BRINP1: variants seen among roughly 807,000 people sequenced by gnomAD.
BRINP1 encodes BMP/retinoic acid-inducible neural-specific protein 1.
Under a neutral mutation model 72.9 loss-of-function variants are expected in BRINP1, and 17 were observed. The ratio of observed to expected loss-of-function variants is 0.23; its 90% confidence interval spans 0.16 to 0.35. The LOEUF (loss-of-function observed/expected upper bound fraction) is 0.35, where lower values mean the gene tolerates loss of function less well. BRINP1 is among the 10% of genes least tolerant of loss of function. BRINP1 has a pLI of 1.00. For missense variants in BRINP1, 850 were observed against 1,001.6 expected, an observed-to-expected ratio of 0.85 and a Z score of 2.04; for synonymous variants, 418 against 378.5, an observed-to-expected ratio of 1.10 and a Z score of -1.21.
At chr9:119,243,443 C>T (rs1014722305) in intron 3 of BRINP1, among the ~76,000 whole-genome samples, 4 of 152,144 alleles carry the variant, frequency 2.6e-5, no homozygotes, top group African/African-American at 9.7e-5. Flanking sequence ...TTTCTTTATC[C>T]AGTCTATCAT....
Position 119,249,120 on chromosome 9 carries a change from T to C in BRINP1, c.249A>G (p.Thr83=), listed in dbSNP as rs751344538. 14 of 1,613,830 alleles carry C rather than the reference T, an allele frequency of 8.7e-6. No individual in the cohort carries two copies. The highest frequency in any genetic ancestry group is 7.6e-6 in the Non-Finnish European group (9 of 1,180,002). The change falls in exon 3 of 8, where the codon ACA becomes ACG. Residue 83 remains threonine, a synonymous_variant. Coordinates refer to ENST00000265922, the MANE Select transcript of BRINP1 (RefSeq NM_014618.3). ...REFARWKVRN[T]AIERRDLVRH... ...GGACCAGATCTCTCCTCTCGATGGC[T>C]GTGTTCCTCACCTTCCAACGGGCAA...
At chr9:119,274,897 G>C (rs554183068) in intron 2 of BRINP1, among the ~76,000 whole-genome samples, 1 of 152,024 alleles carries the variant, frequency 6.6e-6, no homozygotes, top group Non-Finnish European at 1.5e-5. Context: ...ATATACAATA[G>C]AGATATCCAA....
intron 6 of BRINP1, among the ~76,000 whole-genome samples, chr9:119,211,300 C>T (rs1379528338): frequency 1.3e-5 from 2 of 152,108 alleles, no homozygotes; most frequent in African/African-American, 4.8e-5. Context: ...CAGGTTCAAG[C>T]GATTCTCCTG....
chr9:119,306,809 T>C (rs898673007), intron 2 of BRINP1, among the ~76,000 whole-genome samples: 10 of 152,258 alleles, frequency 6.6e-5, no homozygotes, highest in East Asian at 1.9e-4. Context: ...TCTTCATGCA[T>C]TGAACTGCCA....
In BRINP1 at chr9:119,369,021, G is replaced by T. The variant is rs1249478713; in HGVS notation, c.-51+35C>A. ...GCCCGGGGCCGGGTCCAAGGGCAGC[G>T]GGGCTGCGGGGCGCTGCACCCGGCG... On this transcript the variant is annotated intron_variant, in intron 1 of 7. Transcript: ENST00000265922. The T allele has an allele frequency of 4.3e-5, 17 of 392,912 alleles. No individual in the cohort carries two copies. In the East Asian group the frequency reaches 6.1e-4, roughly 14 times the overall value. 24.3% of individuals were successfully genotyped at this position (392,912 alleles called of 1,614,324 possible).
rs772567497 is a variant in BRINP1, at chr9:119,167,957, G to A, written c.1413C>T (p.Ser471=). Residue 471 remains serine, a synonymous_variant, in exon 8 of 8, where the codon AGC becomes AGT. Coordinates refer to ENST00000265922, the MANE Select transcript of BRINP1 (RefSeq NM_014618.3). The surrounding 1 kb of genome is among the most constrained non-coding windows in gnomAD (Gnocchi z 4.3). ...CEPQNVDSER[S]EQFISFETDL... ...CAGTCTCAAAGCTGATGAACTGCTCGCTCCGCTCCGAGTCCACGTTCTGTG... is the reference window on the plus strand; with the variant it reads ...CAGTCTCAAAGCTGATGAACTGCTCACTCCGCTCCGAGTCCACGTTCTGTG... 1.7e-5 allele frequency: 28 copies of A among 1,614,098 alleles called. No homozygotes were observed. Among genetic ancestry groups the A allele is most frequent in the South Asian group, 4.4e-5 (4 of 91,090 alleles).
intron 5 of BRINP1, among the ~76,000 whole-genome samples, chr9:119,217,898 T>G (rs1276379559): frequency 6.6e-6 from 1 of 152,044 alleles, no homozygotes; most frequent in Non-Finnish European, 1.5e-5. Context: ...CCTCCCATAA[T>G]CTTTGCACTT....
intron 7 of BRINP1, among the ~76,000 whole-genome samples, chr9:119,190,137 C>T (rs574844347): frequency 6.6e-6 from 1 of 151,786 alleles, no homozygotes; most frequent in Non-Finnish European, 1.5e-5. Context: ...ACAGTAGAAA[C>T]ATGACATATG....
At chr9:119,298,488 T>C (rs1830904547) in intron 2 of BRINP1, among the ~76,000 whole-genome samples, 1 of 152,060 alleles carries the variant, frequency 6.6e-6, no homozygotes, top group Non-Finnish European at 1.5e-5. Flanking sequence ...CCTCCCCTTC[T>C]TCCTTGTGTT....
intron 2 of BRINP1, chr9:119,282,930 G>T: frequency 1.0e-6 from 1 of 985,384 alleles, no homozygotes; most frequent in Non-Finnish European, 1.2e-6. Flanking sequence ...AGGAAGGTAG[G>T]TTCTTTCTCT....
chr9:119,223,562 T>C (rs17386037), intron 5 of BRINP1, among the ~76,000 whole-genome samples: 14,759 of 152,082 alleles, frequency 0.097, 867 homozygotes, highest in African/African-American at 0.17. Context: ...TCCTACTCTA[T>C]AAGCTTCCTG....
At chr9:119,250,495 T>C (rs1830375910) in intron 2 of BRINP1, among the ~76,000 whole-genome samples, 1 of 152,218 alleles carries the variant, frequency 6.6e-6, no homozygotes, top group African/African-American at 2.4e-5. Flanking sequence ...TAAAATTCAA[T>C]TATCTATTTG....
At chr9:119,273,706 C>T (rs1830628139) in intron 2 of BRINP1, among the ~76,000 whole-genome samples, 2 of 152,150 alleles carry the variant, frequency 1.3e-5, no homozygotes, top group African/African-American at 4.8e-5. Flanking sequence ...TACTCATTAG[C>T]AGACACAAAT....
In BRINP1 at chr9:119,368,163, C is replaced by G. The variant is rs986395022; in HGVS notation, c.-51+893G>C. 5.9e-5 allele frequency among the ~76,000 whole-genome samples: 9 copies of G among 152,170 alleles called. No homozygotes were observed. The highest frequency in any genetic ancestry group is 1.3e-4 in the Non-Finnish European group (9 of 68,036). On this transcript the variant is annotated intron_variant, in intron 1 of 7. Coordinates refer to ENST00000265922, the MANE Select transcript of BRINP1 (RefSeq NM_014618.3). This position sits in a 1 kb window ranked among gnomAD's most constrained non-coding sequence, Gnocchi z 4.7. ...AGATCCTCCCCAAAACCAACAGAAG[C>G]CGGAGGGGCTCTGTTGATTGCAAAC...
chr9:119,173,240 T>C (rs1216471923), intron 7 of BRINP1, among the ~76,000 whole-genome samples: 2 of 151,292 alleles, frequency 1.3e-5, no homozygotes, highest in African/African-American at 4.9e-5. Flanking sequence ...ACCCCATTGT[T>C]TCAGCCCAAA....
intron 1 of BRINP1, among the ~76,000 whole-genome samples, chr9:119,356,869 C>T (rs576998147): frequency 6.0e-4 from 91 of 151,718 alleles, no homozygotes; most frequent in African/African-American, 2.0e-3. Context: ...AAAGGGTATA[C>T]TCAATATAGA....
chr9:119,338,884 C>CAA (rs199695262), intron 1 of BRINP1, among the ~76,000 whole-genome samples: 1 of 119,642 alleles, frequency 8.4e-6, no homozygotes, highest in Non-Finnish European at 1.7e-5. Flanking sequence ...GACTCCGTCT[C>CAA]AAAAAAAACA....
intron 1 of BRINP1, among the ~76,000 whole-genome samples, chr9:119,362,111 C>A (rs902674656): frequency 6.9e-6 from 1 of 144,380 alleles, no homozygotes; most frequent in African/African-American, 2.5e-5. Context: ...AGCCACCATG[C>A]CTGACTGCAA....
chr9:119,332,581 G>A (rs1451887819), intron 1 of BRINP1, among the ~76,000 whole-genome samples: 1 of 152,196 alleles, frequency 6.6e-6, no homozygotes, highest in Non-Finnish European at 1.5e-5. Context: ...CTGTACACAA[G>A]ACACCTTGTG....
Sources: gnomAD v4.1 joint callset for allele counts (sites outside exome capture counted in the v4.1 genomes callset) on GRCh38, gnomAD v4.1.1 for gene constraint, Gnocchi (gnomAD v3.1) non-coding constraint, MANE v1.5 for transcripts, NCBI Gene and HGNC (gene_info 2026-07-23, HGNC 2026-07-21) for gene names.